The following RBFOX1 variants were observed in gnomAD, a reference collection of about 807,000 sequenced individuals.
RBFOX1 encodes RNA binding fox-1 homolog 1.
RBFOX1 carries 8 observed loss-of-function variants against 57.7 expected under a neutral mutation model. The observed-to-expected ratio is 0.14, with a 90% confidence interval of 0.08 to 0.25. The LOEUF is 0.25. Among genes scored for constraint, RBFOX1 ranks in the 10% least tolerant of loss-of-function variants. The pLI, the probability that RBFOX1 is intolerant of heterozygous loss-of-function variation, is 1.00. For missense variants in RBFOX1, 611 were observed against 548.5 expected (o/e 1.11, Z -1.14); for synonymous variants, 326 against 222.4 (o/e 1.47, Z -4.15).
At chr16:6,012,406 C>T (rs1596402099) in intron 4 of RBFOX1, among the ~76,000 whole-genome samples, 1 of 152,290 alleles carries the variant, frequency 6.6e-6, no homozygotes, top group East Asian at 1.9e-4. Context: ...ACAGTGGTTC[C>T]TACCTGGGAA....
chr16:6,592,532 A>C (rs956678774), intron 2 of RBFOX1, among the ~76,000 whole-genome samples: 1 of 152,342 alleles, frequency 6.6e-6, no homozygotes, highest in Non-Finnish European at 1.5e-5. Flanking sequence ...ATAGTGAATA[A>C]GGTGAGAGAC....
chr16:7,057,137 T>C (rs927801725), intron 4 of RBFOX1, among the ~76,000 whole-genome samples: 4 of 151,942 alleles, frequency 2.6e-5, no homozygotes, highest in Non-Finnish European at 5.9e-5. Context: ...ATACCAGGCA[T>C]GAGAATACAG....
At position 7,395,440 on chromosome 16, in the gene RBFOX1, G is replaced by T. The variant is rs182466973; in HGVS notation, c.28-122707G>T. Among the ~76,000 whole-genome samples the T allele has an allele frequency of 6.4e-4, 98 of 152,358 alleles. 1 individual carries two copies. In the East Asian group the frequency reaches 0.013, roughly 21 times the overall value. The stretch of plus-strand genomic sequence containing the variant: ...CATTAGGGTATTAACTGTGGAGCCA[G>T]AAGTATTGGGGAAGCTAAGATTTTA... On this transcript the variant is annotated intron_variant, in intron 4 of 15. Coordinates refer to ENST00000550418, the MANE Select transcript of RBFOX1 (RefSeq NM_018723.4).
At chr16:7,432,332 G>C (rs2098688609) in intron 4 of RBFOX1, among the ~76,000 whole-genome samples, 1 of 152,180 alleles carries the variant, frequency 6.6e-6, no homozygotes, top group Non-Finnish European at 1.5e-5. Flanking sequence ...CCAGAGAGAA[G>C]GGTAATCTGC....
chr16:7,157,169 G>A (rs1447654806), intron 4 of RBFOX1, among the ~76,000 whole-genome samples: 5 of 152,214 alleles, frequency 3.3e-5, no homozygotes, highest in African/African-American at 1.2e-4. Flanking sequence ...ACTCACCTGA[G>A]CATCGTTTCA....
At chr16:6,981,387 C>T (rs1051427142) in intron 3 of RBFOX1, among the ~76,000 whole-genome samples, 14 of 152,100 alleles carry the variant, frequency 9.2e-5, no homozygotes, top group African/African-American at 1.7e-4. Context: ...AGGATAATGG[C>T]CTCGAGGTCC....
intron 4 of RBFOX1, among the ~76,000 whole-genome samples, chr16:7,434,084 G>C (rs2098703421): frequency 6.6e-6 from 1 of 152,172 alleles, no homozygotes; most frequent in Admixed American, 6.5e-5. Context: ...CAGGTAAAAA[G>C]GAAGAAAGAT....
In RBFOX1 at chr16:6,272,640, A is replaced by C. The variant is rs117209115; in HGVS notation, c.-126-44355A>C. 5.8e-3 allele frequency among the ~76,000 whole-genome samples: 881 copies of C among 152,332 alleles called. 5 individuals are homozygous for C. Among genetic ancestry groups the C allele is most frequent in the Admixed American group, 8.7e-3 (133 of 15,304 alleles). On this transcript the variant is annotated intron_variant, in intron 1 of 15. Transcript: ENST00000550418. Reference sequence around the variant, plus strand: ...AATTTAAAAAGCTTAACAATTTTGTAAATGAAGTATAAAGTGGGAGAAATG... The same window carrying C: ...AATTTAAAAAGCTTAACAATTTTGTCAATGAAGTATAAAGTGGGAGAAATG...
chr16:5,963,559 C>T (rs1162625996), intron 4 of RBFOX1, among the ~76,000 whole-genome samples: 1 of 152,130 alleles, frequency 6.6e-6, no homozygotes. Context: ...TATAAACAGA[C>T]ACATAGACCA....
intron 1 of RBFOX1, among the ~76,000 whole-genome samples, chr16:6,053,295 C>G (rs974444772): frequency 5.9e-5 from 9 of 152,090 alleles, no homozygotes; most frequent in Non-Finnish European, 7.3e-5. Flanking sequence ...TGTCCCAGAG[C>G]AGGAATTGCG....
At chr16:5,634,665 A>C (rs2048625736) in intron 3 of RBFOX1, among the ~76,000 whole-genome samples, 1 of 152,212 alleles carries the variant, frequency 6.6e-6, no homozygotes, top group South Asian at 2.1e-4. Flanking sequence ...GATCACTCGG[A>C]GTCAAAGAAG....
chr16:5,459,084 C>G (rs901179074), intron 1 of RBFOX1, among the ~76,000 whole-genome samples: 1 of 152,190 alleles, frequency 6.6e-6, no homozygotes, highest in Non-Finnish European at 1.5e-5. Context: ...CCTTGTTGCT[C>G]ACCATGCCCT....
intron 3 of RBFOX1, among the ~76,000 whole-genome samples, chr16:6,787,817 T>C (rs1359375356): frequency 6.6e-6 from 1 of 152,238 alleles, no homozygotes; most frequent in African/African-American, 2.4e-5. Flanking sequence ...AATCCACGTC[T>C]ACTGAAATAG....
chr16:7,493,701 G>A (rs1007356418), intron 4 of RBFOX1, among the ~76,000 whole-genome samples: 1 of 152,166 alleles, frequency 6.6e-6, no homozygotes, highest in Admixed American at 6.5e-5. Context: ...CTCAAAAATG[G>A]CAAAGAAACC....
chr16:6,952,324 T>A (rs2080935499), intron 3 of RBFOX1, among the ~76,000 whole-genome samples: 1 of 152,160 alleles, frequency 6.6e-6, no homozygotes, highest in South Asian at 2.1e-4. Context: ...GAACTCCAGT[T>A]TTGACAAAGT....
At chr16:6,700,671 TAATA>T (rs1568272549) in intron 3 of RBFOX1, among the ~76,000 whole-genome samples, 1 of 151,992 alleles carries the variant, frequency 6.6e-6, no homozygotes, top group Non-Finnish European at 1.5e-5. Context: ...AAAATAATAA[TAATA>T]ATAATTTTTT....
At chr16:5,594,086 G>A (rs2047102313) in intron 2 of RBFOX1, among the ~76,000 whole-genome samples, 1 of 151,994 alleles carries the variant, frequency 6.6e-6, no homozygotes, top group Non-Finnish European at 1.5e-5. Context: ...GGTTTTACTG[G>A]CGCCATCATT....
intron 4 of RBFOX1, among the ~76,000 whole-genome samples, chr16:7,321,511 T>A (rs2096545339): frequency 6.6e-6 from 1 of 152,062 alleles, no homozygotes; most frequent in Admixed American, 6.6e-5. Flanking sequence ...TAACATGGGA[T>A]TATGTATGGG....
In RBFOX1 at chr16:5,817,757, C is replaced by A. The variant is rs1211360154; in HGVS notation, c.319-49546C>A. Among the ~76,000 whole-genome samples, 6 of 149,550 alleles carry A rather than the reference C, an allele frequency of 4.0e-5. No homozygotes were observed. In the East Asian group the frequency reaches 1.2e-3, roughly 30 times the overall value. On this transcript the variant is annotated intron_variant, in intron 3 of 19. Transcript: ENST00000641259. ...TCACCCAGGCTGGAGTACAGTGGCGCAGTCTGGGCTCACTGCAGCTCCGAC... is the reference window on the plus strand; with the variant it reads ...TCACCCAGGCTGGAGTACAGTGGCGAAGTCTGGGCTCACTGCAGCTCCGAC...
Sources: gnomAD v4.1 joint callset for allele counts (sites outside exome capture counted in the v4.1 genomes callset) on GRCh38, gnomAD v4.1.1 for gene constraint, MANE v1.5 for transcripts, NCBI Gene and HGNC (gene_info 2026-07-23, HGNC 2026-07-21) for gene names.